UBL3: variants seen among roughly 807,000 people sequenced by gnomAD.
UBL3 encodes the protein ubiquitin-like protein 3.
In UBL3, 6 loss-of-function variants were observed where a neutral mutation model predicts 18.4. The observed-to-expected ratio is 0.33, with a 90% CI of 0.18 to 0.64. UBL3 has a LOEUF of 0.64. Ranked by LOEUF, UBL3 falls within the 30% of genes least tolerant of loss-of-function variation. The pLI is 0.76. For missense variants in UBL3, 109 were observed against 142.9 expected (o/e 0.76, Z 1.21); for synonymous variants, 49 against 46.6 (o/e 1.05, Z -0.21).
In UBL3 at chr13:29,767,046, A is replaced by C. The variant is rs1282617409; in HGVS notation, c.*209T>G. 2.2e-6 allele frequency: 1 copy of C among 462,786 alleles called. No individual in the cohort carries two copies. Among genetic ancestry groups the C allele is most frequent in the Non-Finnish European group, 3.7e-6 (1 of 269,940 alleles). The allele number at this position is 462,786 out of a possible 1,614,324, so 28.7% of individuals were successfully genotyped here. A position where few individuals can be genotyped will look rare whatever the true frequency, so the allele number is the denominator to read the frequency against. On this transcript the variant is annotated 3_prime_UTR_variant, in exon 5 of 5. Coordinates refer to ENST00000380680, the MANE Select transcript of UBL3 (RefSeq NM_007106.4). ...CAATATGTGTTAAAACAGCTCAACA[A>C]AAAATACAAGAAATAAAAAATCAGA...
At chr13:29,788,885 ACGCGCACGTGTGTGCG>A (rs1877407577) in intron 1 of UBL3, among the ~76,000 whole-genome samples, 6 of 27,236 alleles carry the variant, frequency 2.2e-4, no homozygotes, top group East Asian at 1.4e-3. Flanking sequence ...GCGCGCGCGC[ACGCGCACGTGTGTGCG>A]TGTGTGTGTG....
At chr13:29,791,199 C>T (rs536189110) in intron 1 of UBL3, among the ~76,000 whole-genome samples, 48 of 152,210 alleles carry the variant, frequency 3.2e-4, no homozygotes, top group African/African-American at 1.2e-3. Flanking sequence ...TCTCACTTGC[C>T]CTTACCCAAT....
chr13:29,774,856 C>A (rs1160948857), intron 2 of UBL3, among the ~76,000 whole-genome samples: 8 of 151,792 alleles, frequency 5.3e-5, no homozygotes, highest in Admixed American at 3.3e-4. Flanking sequence ...GACTTTATAA[C>A]CCAAGTGCAG....
intron 1 of UBL3, among the ~76,000 whole-genome samples, chr13:29,808,910 T>C (rs1877965675): frequency 6.6e-6 from 1 of 152,170 alleles, no homozygotes; most frequent in Admixed American, 6.6e-5. Context: ...AGTTTTTAAC[T>C]TTTAATTGAA....
intron 1 of UBL3, among the ~76,000 whole-genome samples, chr13:29,822,804 G>A (rs1274505183): frequency 6.6e-6 from 1 of 152,148 alleles, no homozygotes; most frequent in Non-Finnish European, 1.5e-5. Flanking sequence ...GTTTTCTTTT[G>A]AGTGAGTGTA....
At chr13:29,786,538 G>C (rs1593655192) in intron 1 of UBL3, among the ~76,000 whole-genome samples, 2 of 152,152 alleles carry the variant, frequency 1.3e-5, no homozygotes, top group African/African-American at 4.8e-5. Context: ...GAGAAGTCAA[G>C]AAAGGATTTC....
chr13:29,796,509 T>C (rs1452089745), intron 1 of UBL3, among the ~76,000 whole-genome samples: 4 of 152,194 alleles, frequency 2.6e-5, no homozygotes, highest in Admixed American at 6.5e-5. Flanking sequence ...CTTATAAAAA[T>C]GGTCAACCTT....
At chr13:29,798,149 C>T (rs973148590) in intron 1 of UBL3, among the ~76,000 whole-genome samples, 2 of 152,030 alleles carry the variant, frequency 1.3e-5, no homozygotes, top group Admixed American at 6.6e-5. Context: ...CCTCAGCCTC[C>T]GGAGTAGCTA....
At chr13:29,817,229 T>C (rs769373452) in intron 1 of UBL3, among the ~76,000 whole-genome samples, 2 of 152,248 alleles carry the variant, frequency 1.3e-5, no homozygotes, top group Non-Finnish European at 2.9e-5. Flanking sequence ...GTTTAGAATC[T>C]GAATGTCATT....
chr13:29,840,048 A>C (rs902827465), intron 1 of UBL3, among the ~76,000 whole-genome samples: 3 of 150,788 alleles, frequency 2.0e-5, no homozygotes, highest in African/African-American at 7.3e-5. Context: ...AAATAGAAGA[A>C]ATAAAGGTAA....
intron 1 of UBL3, among the ~76,000 whole-genome samples, chr13:29,835,841 A>G (rs540285989): frequency 5.9e-5 from 9 of 151,456 alleles, no homozygotes; most frequent in Non-Finnish European, 1.2e-4. Flanking sequence ...GGCTTGTAGC[A>G]TGTTTGAGGA....
At chr13:29,778,503 C>T (rs995814644) in intron 1 of UBL3, among the ~76,000 whole-genome samples, 2 of 152,178 alleles carry the variant, frequency 1.3e-5, no homozygotes, top group Admixed American at 6.5e-5. Flanking sequence ...GTAAGGCCAT[C>T]TAGCCTAGTT....
intron 1 of UBL3, among the ~76,000 whole-genome samples, chr13:29,782,994 T>C (rs1180228350): frequency 6.6e-6 from 1 of 152,170 alleles, no homozygotes; most frequent in African/African-American, 2.4e-5. Flanking sequence ...AATATTTCTG[T>C]TTTTTCAGTT....
At chr13:29,814,696 G>A (rs1009642969) in intron 1 of UBL3, among the ~76,000 whole-genome samples, 3 of 152,158 alleles carry the variant, frequency 2.0e-5, no homozygotes. Flanking sequence ...ATTAAAGAAT[G>A]ACCTAGGCGG....
intron 1 of UBL3, among the ~76,000 whole-genome samples, chr13:29,848,036 G>A (rs1273045523): frequency 6.6e-6 from 1 of 152,216 alleles, no homozygotes; most frequent in African/African-American, 2.4e-5. Context: ...AATTAAACAA[G>A]AGCAAAATTC....
At chr13:29,828,044 G>C (rs1054308280) in intron 1 of UBL3, among the ~76,000 whole-genome samples, 3 of 152,326 alleles carry the variant, frequency 2.0e-5, no homozygotes, top group Non-Finnish European at 4.4e-5. Flanking sequence ...TCTGCCAAGA[G>C]ATCAGCTGTT....
chr13:29,769,750 T>C (rs1291997263), intron 3 of UBL3, among the ~76,000 whole-genome samples: 1 of 152,098 alleles, frequency 6.6e-6, no homozygotes, highest in African/African-American at 2.4e-5. Flanking sequence ...TCTATATGGC[T>C]ATAAAGGTTC....
chr13:29,842,277 C>A (rs1879125046), intron 1 of UBL3, among the ~76,000 whole-genome samples: 1 of 152,082 alleles, frequency 6.6e-6, no homozygotes, highest in East Asian at 1.9e-4. Flanking sequence ...CCTGCCTCAG[C>A]CTCCGGAGTA....
intron 1 of UBL3, among the ~76,000 whole-genome samples, chr13:29,815,359 C>CTGGA (rs1878242688): frequency 6.6e-6 from 1 of 152,096 alleles, no homozygotes; most frequent in Non-Finnish European, 1.5e-5. Context: ...ATCCTCTAGT[C>CTGGA]TGGATACCAA....
Sources: gnomAD v4.1 joint callset for allele counts (sites outside exome capture counted in the v4.1 genomes callset) on GRCh38, gnomAD v4.1.1 for gene constraint, MANE v1.5 for transcripts, NCBI Gene and HGNC (gene_info 2026-07-23, HGNC 2026-07-21) for gene names.